Variants in TLR5 observed in about 807,000 individuals in gnomAD.
The protein encoded by TLR5 is toll-like receptor 5.
For missense variants in TLR5, 944 were observed against 999.8 expected (o/e 0.94, Z 0.75); for synonymous variants, 373 against 384.4 (o/e 0.97, Z 0.35).
At chr1:223,125,052 T>C (rs1657114114) in intron 5 of TLR5, among the ~76,000 whole-genome samples, 1 of 152,210 alleles carries the variant, frequency 6.6e-6, no homozygotes, top group Admixed American at 6.5e-5. Context: ...TTCTTTTGTG[T>C]TTTGGCACAG....
chr1:223,131,582 G>C lies in TLR5; in HGVS notation c.-5+893C>G, dbSNP rs189664076. 2.0e-5 allele frequency among the ~76,000 whole-genome samples: 3 copies of C among 151,878 alleles called. No individual in the cohort carries two copies. The highest frequency in any genetic ancestry group is 2.0e-4 in the Admixed American group (3 of 15,264). ...TAGTTTGTTTTTGTTTTTTTGTTTT[G>C]CGGCAAGATCTCGCTCTGTTACCCA... On this transcript the variant is annotated intron_variant, in intron 5 of 5. Transcript: ENST00000642603. The surrounding 1 kb of genome is among the most constrained non-coding windows in gnomAD (Gnocchi z 4.2).
chr1:223,141,822 T>TATATAG (rs1398290863), intron 1 of TLR5, 59 bp from the exon 2 acceptor site: 20 of 42,984 alleles, frequency 4.7e-4, no homozygotes, highest in Non-Finnish European at 6.4e-4. Context: ...TATATATATA[T>TATATAG]AGAGAGAGAG....
At chr1:223,143,036 A>G (rs961542648) in intron 1 of TLR5, among the ~76,000 whole-genome samples, 160 bp downstream of exon 1, 2 of 151,990 alleles carry the variant, frequency 1.3e-5, no homozygotes, top group African/African-American at 2.4e-5. Flanking sequence ...AGCGCCGCCT[A>G]GTGAGGCGGC....
rs138722306 is a variant in TLR5 at position 223,110,696 on chromosome 1, C to T, written c.2336G>A (p.Cys779Tyr). 2.1e-5 allele frequency: 34 copies of T among 1,614,050 alleles called. No homozygotes were observed. The African/African-American group carries it at 4.0e-4, about 19-fold the overall frequency. ...LEAFSYAQGR[C>Y]LSDLNSALIM... Reference sequence around the variant, plus strand: ...GAGAGCACTGTTAAGGTCAGATAAGCACCTGCCCTGGGCATAACTGAAGGC... The same window carrying T: ...GAGAGCACTGTTAAGGTCAGATAAGTACCTGCCCTGGGCATAACTGAAGGC... The change falls in exon 6 of 6, where the codon TGC (cysteine) becomes TAC (tyrosine). Residue 779 changes from cysteine (C) to tyrosine (Y), a missense_variant. Transcript: ENST00000642603.
At chr1:223,122,867 T>C (rs978313461) in intron 5 of TLR5, among the ~76,000 whole-genome samples, 1 of 152,218 alleles carries the variant, frequency 6.6e-6, no homozygotes, top group African/African-American at 2.4e-5. Flanking sequence ...CATGTCACAT[T>C]GAGGACCCTT....
Position 223,110,152 on chromosome 1 carries a change from T to C in TLR5, c.*303A>G. On this transcript the variant is annotated 3_prime_UTR_variant, in exon 6 of 6. Coordinates refer to ENST00000642603, the MANE Select transcript of TLR5 (RefSeq NM_003268.6). Reference sequence around the variant, plus strand: ...AACTTCTCCCAAGGTGCCCTTCCCATGATTAGGATACATTCCATAATCAAC... The same window carrying C: ...AACTTCTCCCAAGGTGCCCTTCCCACGATTAGGATACATTCCATAATCAAC... The C allele has an allele frequency of 2.6e-6, 1 of 379,080 alleles. No homozygotes were observed. Among genetic ancestry groups the C allele is most frequent in the Non-Finnish European group, 4.8e-6 (1 of 210,020 alleles). 23.5% of individuals were successfully genotyped at this position (379,080 alleles called of 1,614,324 possible).
At chr1:223,129,819 C>T (rs892771727) in intron 5 of TLR5, among the ~76,000 whole-genome samples, 15 of 152,192 alleles carry the variant, frequency 9.9e-5, no homozygotes, top group African/African-American at 3.1e-4. Context: ...GCGGGCTAAA[C>T]GTCTGACAAC....
intron 5 of TLR5, among the ~76,000 whole-genome samples, chr1:223,122,533 A>G (rs990141052): frequency 4.6e-5 from 7 of 152,192 alleles, no homozygotes; most frequent in African/African-American, 1.4e-4. Context: ...AATAAATGGT[A>G]ATGGAAAGAC....
chr1:223,120,420 A>G (rs962155253), intron 5 of TLR5, among the ~76,000 whole-genome samples: 5 of 152,156 alleles, frequency 3.3e-5, no homozygotes, highest in South Asian at 4.1e-4. Flanking sequence ...GAGTTGTCCT[A>G]CCTTTCGGAC....
At chr1:223,140,987 G>A (rs916495620) in intron 2 of TLR5, among the ~76,000 whole-genome samples, 3 of 152,184 alleles carry the variant, frequency 2.0e-5, no homozygotes, top group Admixed American at 1.3e-4. Flanking sequence ...GACACTATAC[G>A]CTGTTGCTCT....
chr1:223,110,104 G>C lies in TLR5; in HGVS notation c.*351C>G, dbSNP rs1656243154. On this transcript the variant is annotated 3_prime_UTR_variant, in exon 6 of 6. Transcript: ENST00000642603. ...CATCCCATTTTTTAGCTGAATGCTA[G>C]AGAAAGCACGTCAGCCATCTGCAAC... 3.2e-6 allele frequency: 1 copy of C among 315,006 alleles called. No homozygotes were observed. The highest frequency in any genetic ancestry group is 5.9e-6 in the Non-Finnish European group (1 of 169,574). 19.5% of individuals were successfully genotyped at this position (315,006 alleles called of 1,614,324 possible). A position where few individuals can be genotyped will look rare whatever the true frequency, so the allele number is the denominator to read the frequency against.
At chr1:223,132,174 G>A (rs1196210786) in intron 5 of TLR5, among the ~76,000 whole-genome samples, 4 of 152,032 alleles carry the variant, frequency 2.6e-5, no homozygotes, top group African/African-American at 9.7e-5. Context: ...ACCACCCTGG[G>A]CCACATAGTG....
At chr1:223,126,298 G>A (rs1657163454) in intron 5 of TLR5, among the ~76,000 whole-genome samples, 3 of 152,138 alleles carry the variant, frequency 2.0e-5, no homozygotes, top group African/African-American at 7.2e-5. Context: ...ATCTAGAATA[G>A]ATAAATTCAG....
intron 5 of TLR5, among the ~76,000 whole-genome samples, chr1:223,120,989 GA>G (rs1456780086): frequency 5.9e-5 from 9 of 152,172 alleles, no homozygotes; most frequent in African/African-American, 1.9e-4. Context: ...AGGCTGAGGT[GA>G]GAGGATAGCT....
At chr1:223,126,044 T>C (rs952486900) in intron 5 of TLR5, among the ~76,000 whole-genome samples, 11 of 152,142 alleles carry the variant, frequency 7.2e-5, no homozygotes, top group African/African-American at 2.7e-4. Flanking sequence ...TCAACAGATA[T>C]TTGCACACCA....
chr1:223,132,878 G>T (rs1657450118), intron 4 of TLR5, among the ~76,000 whole-genome samples: 1 of 152,158 alleles, frequency 6.6e-6, no homozygotes, highest in African/African-American at 2.4e-5. Context: ...CAGAAGGTGG[G>T]TGTCTAAGCC....
Position 223,112,652 on chromosome 1 carries a change from T to C in TLR5, c.380A>G (p.Tyr127Cys). The C allele has an allele frequency of 1.2e-6, 2 of 1,614,162 alleles. No individual in the cohort carries two copies. Among genetic ancestry groups the C allele is most frequent in the Non-Finnish European group, 1.7e-6 (2 of 1,180,034 alleles). The change falls in exon 6 of 6, where the codon TAT becomes TGT. Residue 127 changes from tyrosine (Y) to cysteine (C), a missense_variant. Tyr to Cys is a radical substitution (Grantham distance 194). Transcript: ENST00000642603. ...TACAGCATCAGAGAGACCACAGAAA[T>C]ACAGTCTAAGTTCAAACAGATGGAA... ...GLFHLFELRL[Y>C]FCGLSDAVLK...
Position 223,110,509 on chromosome 1 carries a change from T to G in TLR5, c.2523A>C (p.Lys841Asn). Residue 841 changes from lysine (K) to asparagine (N), a missense_variant, in exon 6 of 6, where the codon AAA becomes AAC. Coordinates refer to ENST00000642603, the MANE Select transcript of TLR5 (RefSeq NM_003268.6). ...KLSQQILKKEKEKKKDNNIPL... is the reference protein window; with the variant it reads ...KLSQQILKKENEKKKDNNIPL... ...GAATGTTATTGTCTTTCTTCTTTTC[T>G]TTTTCTTTCTTTAGTATCTGTTGAG... The G allele has an allele frequency of 6.2e-7, 1 of 1,614,118 alleles. No individual in the cohort carries two copies. The highest frequency in any genetic ancestry group is 1.1e-5 in the South Asian group (1 of 91,080).
At chr1:223,129,173 T>G (rs1657295043) in intron 5 of TLR5, 1 of 152,280 alleles carries the variant, frequency 6.6e-6, no homozygotes, top group African/African-American at 2.4e-5. Flanking sequence ...GTGCTGAGCC[T>G]CCTTGCTTTT....
Sources: allele counts gnomAD v4.1 joint callset (sites outside exome capture counted in the v4.1 genomes callset), GRCh38; gene constraint gnomAD v4.1.1; non-coding constraint Gnocchi (gnomAD v3.1); transcripts MANE v1.5; gene names NCBI Gene and HGNC (gene_info 2026-07-23, HGNC 2026-07-21).